OR2L3: variants seen among roughly 807,000 people sequenced by gnomAD.
OR2L3 encodes the protein olfactory receptor family 2 subfamily L member 3.
For synonymous variants in OR2L3, 131 were observed against 139.1 expected, an observed-to-expected ratio of 0.94 and a Z score of 0.41; for missense variants, 369 against 376.6, an observed-to-expected ratio of 0.98 and a Z score of 0.17.
chr1:248,056,956 G>A (rs1663454922), intron 1 of OR2L3, among the ~76,000 whole-genome samples: 1 of 152,020 alleles, frequency 6.6e-6, no homozygotes, highest in Non-Finnish European at 1.5e-5. Context: ...GGCCTTGAGG[G>A]GGCTTTAATC....
Position 248,063,183 on chromosome 1 carries a change from A to C in OR2L3, c.*1563A>C, listed in dbSNP as rs1036566923. ...ATTGCATTGAATCTGTAGTTTGGTT[A>C]TTTAAATAATATTAATTCTTCCAAT... On this transcript the variant is annotated 3_prime_UTR_variant, in exon 2 of 2. Transcript: ENST00000359959. 1.3e-5 allele frequency: 2 copies of C among 152,174 alleles called. No homozygotes were observed. The highest frequency in any genetic ancestry group is 4.1e-4 in the South Asian group (2 of 4,828). The allele number at this position is 152,174 out of a possible 1,614,324, so 9.4% of individuals were successfully genotyped here.
chr1:248,061,548 T>A lies in OR2L3; in HGVS notation c.867T>A (p.Tyr289Ter), dbSNP rs745972683. 4.5e-5 allele frequency: 73 copies of A among 1,613,524 alleles called. No individual in the cohort carries two copies. The highest frequency in any genetic ancestry group is 3.3e-4 in the East Asian group (15 of 44,884). Residue 289 changes from tyrosine (Y) to a stop codon, truncating the protein, a stop_gained, in exon 2 of 2, where the codon TAT (tyrosine) becomes TAA (stop). Coordinates refer to ENST00000359959, the MANE Select transcript of OR2L3 (RefSeq NM_001004687.2). LOFTEE classifies it low-confidence loss of function (END_TRUNC). ...TLTPMLNPII[Y>*]SLRNKEVMGA... ...CTCCAATGCTCAACCCCATCATCTA[T>A]AGCCTGAGGAACAAGGAGGTGATGG...
At chr1:248,048,906 T>C (rs1663167875) in intron 1 of OR2L3, among the ~76,000 whole-genome samples, 1 of 148,272 alleles carries the variant, frequency 6.7e-6, no homozygotes, top group African/African-American at 2.6e-5. Context: ...CAGCTTTTTC[T>C]TTCCTTTTCT....
intron 1 of OR2L3, among the ~76,000 whole-genome samples, chr1:248,058,098 T>TA (rs1432633056): frequency 6.7e-6 from 1 of 150,218 alleles, no homozygotes; most frequent in Non-Finnish European, 1.5e-5. Context: ...AGCTGTGGGT[T>TA]AAAATCCCAA....
At chr1:248,052,996 T>C (rs781770762) in intron 1 of OR2L3, among the ~76,000 whole-genome samples, 4 of 152,090 alleles carry the variant, frequency 2.6e-5, no homozygotes, top group Non-Finnish European at 4.4e-5. Flanking sequence ...GGAAGAGCAG[T>C]TTTGTTTCAT....
rs760296988 is a variant in OR2L3 at position 248,060,898 on chromosome 1, A to G, written c.217A>G (p.Ile73Val). 2 of 1,613,876 alleles carry G rather than the reference A, an allele frequency of 1.2e-6. No homozygotes were observed. The highest frequency in any genetic ancestry group is 2.2e-5 in the East Asian group (1 of 44,866). The change falls in exon 2 of 2, where the codon ATC (isoleucine) becomes GTC (valine). Residue 73 changes from isoleucine (I) to valine (V), a missense_variant. Physicochemically the swap from Ile to Val is conservative, Grantham distance 29. Coordinates refer to ENST00000359959, the MANE Select transcript of OR2L3 (RefSeq NM_001004687.2). ...GCTCTCCCTCATTGACCTAAATTAC[A>G]TCTCCACCATTGTTCCTAAGATGGC... ...SQLSLIDLNYISTIVPKMASD... is the reference protein window; with the variant it reads ...SQLSLIDLNYVSTIVPKMASD...
chr1:248,060,669 A>G lies in OR2L3; in HGVS notation c.-13A>G. ...CTTGTGTCTCCCTTCAGGAAAGAGC[A>G]CACGAATGCCCCATGGAAAATTACA... On this transcript the variant is annotated 5_prime_UTR_variant, in exon 2 of 2. Transcript: ENST00000359959. 1.3e-6 allele frequency: 2 copies of G among 1,598,698 alleles called. No homozygotes were observed. The highest frequency in any genetic ancestry group is 2.2e-5 in the South Asian group (2 of 89,130).
At chr1:248,052,868 A>G (rs1320755835) in intron 1 of OR2L3, among the ~76,000 whole-genome samples, 1 of 152,026 alleles carries the variant, frequency 6.6e-6, no homozygotes, top group African/African-American at 2.4e-5. Flanking sequence ...TGAAAAAAAA[A>G]ATTTATCATT....
Position 248,061,291 on chromosome 1 carries a change from A to G in OR2L3, c.610A>G (p.Ile204Val), listed in dbSNP as rs777230308. ...GGGCACAGTGTTTTTGAGCACCACC[A>G]TCTTTCTCGTGTTTCCCTTCATTGC... ...YEGTVFLSTT[I>V]FLVFPFIAIS... Residue 204 changes from isoleucine (I) to valine (V), a missense_variant, in exon 2 of 2, where the codon ATC (isoleucine) becomes GTC (valine). Coordinates refer to ENST00000359959, the MANE Select transcript of OR2L3 (RefSeq NM_001004687.2). 3 of 1,608,650 alleles carry G rather than the reference A, an allele frequency of 1.9e-6. No homozygotes were observed. Among genetic ancestry groups the G allele is most frequent in the South Asian group, 2.2e-5 (2 of 91,012 alleles).
At chr1:248,057,803 G>A (rs951876412) in intron 1 of OR2L3, among the ~76,000 whole-genome samples, 2 of 152,122 alleles carry the variant, frequency 1.3e-5, no homozygotes, top group African/African-American at 2.4e-5. Flanking sequence ...TTCTTTGTTA[G>A]TGTATAGAAT....
intron 1 of OR2L3, among the ~76,000 whole-genome samples, chr1:248,049,702 A>G (rs2103109359): frequency 6.6e-6 from 1 of 152,306 alleles, no homozygotes; most frequent in Admixed American, 6.5e-5. Flanking sequence ...TACTTTCTCA[A>G]TTATTTAACA....
intron 1 of OR2L3, among the ~76,000 whole-genome samples, chr1:248,047,822 A>G (rs1205348238): frequency 6.6e-6 from 1 of 152,178 alleles, no homozygotes; most frequent in Non-Finnish European, 1.5e-5. Context: ...GCTGGCAATG[A>G]TAATGATGAA....
rs1302885787 is a variant in OR2L3, at chr1:248,062,781, TTACCCCG to T, written c.*1162_*1168del. On this transcript the variant is annotated 3_prime_UTR_variant, in exon 2 of 2. Transcript: ENST00000359959. ...GAAATAACCATATTTGAGGTGATGG[TTACCCCG>T]ATTAACCCGATTTGATCATTATGCA... 1 of 152,208 alleles carries T rather than the reference TTACCCCG, an allele frequency of 6.6e-6. No homozygotes were observed. The highest frequency in any genetic ancestry group is 1.5e-5 in the Non-Finnish European group (1 of 68,028). 9.4% of individuals were successfully genotyped at this position (152,208 alleles called of 1,614,324 possible). A position where few individuals can be genotyped will look rare whatever the true frequency, so the allele number is the denominator to read the frequency against.
At chr1:248,059,587 T>C (rs1450955100) in intron 1 of OR2L3, among the ~76,000 whole-genome samples, 1 of 152,190 alleles carries the variant, frequency 6.6e-6, no homozygotes, top group Non-Finnish European at 1.5e-5. Flanking sequence ...AACATGACTT[T>C]GGTTAAAGGG....
intron 1 of OR2L3, among the ~76,000 whole-genome samples, chr1:248,054,309 T>C (rs1324668348): frequency 6.6e-6 from 1 of 152,172 alleles, no homozygotes; most frequent in Non-Finnish European, 1.5e-5. Flanking sequence ...TCTGTTCCAT[T>C]GGTCTATGTG....
intron 1 of OR2L3, among the ~76,000 whole-genome samples, chr1:248,056,633 G>A (rs1283097498): frequency 2.0e-5 from 3 of 147,242 alleles, no homozygotes; most frequent in Non-Finnish European, 4.5e-5. Context: ...TCAGGAGCAG[G>A]TTGTTCTATT....
chr1:248,061,205 A>G lies in OR2L3; in HGVS notation c.524A>G (p.His175Arg). 7 of 1,611,910 alleles carry G rather than the reference A, an allele frequency of 4.3e-6. No individual in the cohort carries two copies. The highest frequency in any genetic ancestry group is 1.4e-5 in the African/African-American group (1 of 73,734). The change falls in exon 2 of 2, where the codon CAT becomes CGT. Residue 175 changes from histidine (H) to arginine (R), a missense_variant. His to Arg is a conservative substitution (Grantham distance 29). Transcript: ENST00000359959. ...TATTGCCAATCCAGGGCCATCAATC[A>G]TTTCTTCTGTGATGTCCCAGCAATG... ...IPYCQSRAIN[H>R]FFCDVPAMVT...
At chr1:248,050,126 T>C (rs1460164944) in intron 1 of OR2L3, among the ~76,000 whole-genome samples, 1 of 152,106 alleles carries the variant, frequency 6.6e-6, no homozygotes, top group Non-Finnish European at 1.5e-5. Context: ...CCTCCTGCCT[T>C]TCACATGAGA....
In OR2L3 at chr1:248,062,969, A is replaced by C. The variant is rs1445228502; in HGVS notation, c.*1349A>C. 1 of 152,142 alleles carries C rather than the reference A, an allele frequency of 6.6e-6. No individual in the cohort carries two copies. Among genetic ancestry groups the C allele is most frequent in the Admixed American group, 6.5e-5 (1 of 15,274 alleles). 9.4% of individuals were successfully genotyped at this position (152,142 alleles called of 1,614,324 possible). A position where few individuals can be genotyped will look rare whatever the true frequency, so the allele number is the denominator to read the frequency against. On this transcript the variant is annotated 3_prime_UTR_variant, in exon 2 of 2. Transcript: ENST00000359959. ...TTCACTGTTCTATGTGTCTGTTTTT[A>C]TGCCAGTACCATTCTGTTTTGGTTA...
Sources: gnomAD v4.1 joint callset for allele counts (sites outside exome capture counted in the v4.1 genomes callset) on GRCh38, gnomAD v4.1.1 for gene constraint, MANE v1.5 for transcripts, NCBI Gene and HGNC (gene_info 2026-07-23, HGNC 2026-07-21) for gene names.